FTO: variants seen among roughly 807,000 people sequenced by gnomAD.
FTO encodes FTO alpha-ketoglutarate dependent dioxygenase, also known as alpha-ketoglutarate-dependent dioxygenase FTO.
Under a neutral mutation model 63.9 loss-of-function variants are expected in FTO, and 47 were observed. The ratio of observed to expected loss-of-function variants is 0.74; its 90% CI spans 0.58 to 0.94. The LOEUF is 0.94. Among genes scored for constraint, FTO ranks in the 40% least tolerant of loss-of-function variants. The pLI, the probability that FTO is intolerant of heterozygous loss-of-function variation, is 0.00. For missense variants in FTO, 562 were observed against 618.1 expected (o/e 0.91, Z 0.96); for synonymous variants, 207 against 224.4 (o/e 0.92, Z 0.69).
chr16:54,071,987 ATTG>A (rs2085884169), intron 8 of FTO: 1 of 152,036 alleles, frequency 6.6e-6, no homozygotes, highest in Non-Finnish European at 1.5e-5. Context: ...TCTATTTTTC[ATTG>A]TTGTTTTGAG....
intron 8 of FTO, among the ~76,000 whole-genome samples, chr16:54,064,504 A>G (rs1419289101): frequency 1.3e-5 from 2 of 152,214 alleles, no homozygotes; most frequent in Non-Finnish European, 2.9e-5. Context: ...CAGAATGGTA[A>G]ATGTTCCTGT....
chr16:54,055,298 T>C (rs2085406201), intron 8 of FTO, among the ~76,000 whole-genome samples: 1 of 152,186 alleles, frequency 6.6e-6, no homozygotes, highest in African/African-American at 2.4e-5. Flanking sequence ...CTGAGCAGAC[T>C]AAGATATCAC....
At chr16:53,877,983 T>G (rs1242413243) in intron 5 of FTO, among the ~76,000 whole-genome samples, 1 of 152,158 alleles carries the variant, frequency 6.6e-6, no homozygotes, top group Non-Finnish European at 1.5e-5. Flanking sequence ...TAGGGAAACT[T>G]TCTAGATAGA....
chr16:53,781,558 G>A (rs1021185075), intron 1 of FTO, among the ~76,000 whole-genome samples: 6 of 152,272 alleles, frequency 3.9e-5, no homozygotes, highest in Middle Eastern at 3.4e-3. Flanking sequence ...GCTGCCTGAG[G>A]AGGTTCCTAT....
At chr16:53,959,115 G>T (rs373567840) in intron 8 of FTO, among the ~76,000 whole-genome samples, 1 of 152,170 alleles carries the variant, frequency 6.6e-6, no homozygotes, top group African/African-American at 2.4e-5. Context: ...ACAATGGTAG[G>T]TATGTTTATT....
chr16:53,866,859 C>G (rs535834869), intron 4 of FTO, among the ~76,000 whole-genome samples: 4 of 152,080 alleles, frequency 2.6e-5, no homozygotes, highest in African/African-American at 9.6e-5. Context: ...TGTTTTTTAT[C>G]TCATCGAGGT....
intron 8 of FTO, among the ~76,000 whole-genome samples, chr16:54,086,947 C>T (rs1403978847): frequency 6.6e-6 from 1 of 152,210 alleles, no homozygotes; most frequent in Non-Finnish European, 1.5e-5. Flanking sequence ...AAAAAGCAAA[C>T]TCAGCCAGAG....
intron 8 of FTO, among the ~76,000 whole-genome samples, chr16:54,054,068 A>T (rs573633746): frequency 1.1e-3 from 163 of 151,876 alleles, no homozygotes; most frequent in African/African-American, 3.7e-3. Flanking sequence ...TGTAATTATC[A>T]AGTTCATTTT....
At chr16:53,866,289 A>G (rs897402211) in intron 4 of FTO, among the ~76,000 whole-genome samples, 1 of 152,070 alleles carries the variant, frequency 6.6e-6, no homozygotes, top group African/African-American at 2.4e-5. Flanking sequence ...GTTACATTCA[A>G]TTTGCTAATA....
At chr16:53,898,230 C>G (rs2081318443) in intron 7 of FTO, among the ~76,000 whole-genome samples, 1 of 152,172 alleles carries the variant, frequency 6.6e-6, no homozygotes, top group African/African-American at 2.4e-5. Flanking sequence ...CCCCTAATGT[C>G]TGCCTTACTA....
At chr16:53,844,435 A>T (rs2079563112) in intron 4 of FTO, 137 bp downstream of exon 4, 2 of 722,634 alleles carry the variant, frequency 2.8e-6, no homozygotes, top group Non-Finnish European at 4.7e-6. Flanking sequence ...TTATAAGAAC[A>T]TGTAACTAGG....
In FTO at chr16:53,977,813, G is replaced by A. The variant is rs528983386; in HGVS notation, c.1364+43704G>A. Among the ~76,000 whole-genome samples, 20 of 152,202 alleles carry A rather than the reference G, an allele frequency of 1.3e-4. No individual in the cohort carries two copies. The South Asian group carries it at 2.1e-3, about 16-fold the overall frequency. On this transcript the variant is annotated intron_variant, in intron 8 of 8. Coordinates refer to ENST00000471389, the MANE Select transcript of FTO (RefSeq NM_001080432.3). ...ATCATTCTTTATGCATAAAACTATA[G>A]TTTTAGTTAGTCCTGATTTATATGC...
chr16:54,090,294 T>C (rs1337214261), intron 8 of FTO, among the ~76,000 whole-genome samples: 1 of 152,168 alleles, frequency 6.6e-6, no homozygotes, highest in Non-Finnish European at 1.5e-5. Context: ...AGGACAAATA[T>C]TGTATGATTT....
At chr16:54,021,551 G>A (rs187082765) in intron 8 of FTO, among the ~76,000 whole-genome samples, 30 of 152,216 alleles carry the variant, frequency 2.0e-4, no homozygotes, top group Admixed American at 4.6e-4. Context: ...GTGCAGTGTC[G>A]CAATCTCGGC....
intron 5 of FTO, among the ~76,000 whole-genome samples, chr16:53,878,713 A>G (rs1285473021): frequency 6.6e-6 from 1 of 152,244 alleles, no homozygotes; most frequent in Non-Finnish European, 1.5e-5. Flanking sequence ...CAAAACAGGC[A>G]GATGCACTGC....
rs921941344 is a variant in FTO, at chr16:53,879,941, C to T, written c.1073C>T (p.Ser358Phe). ...GACAATGATGATGTCTCTTTGAAAT[C>T]CTTTGAGCCTGCAGTTTTGAAACAA... ...DVDNDDVSLK[S>F]FEPAVLKQGE... Residue 358 changes from serine (S) to phenylalanine (F), a missense_variant, in exon 6 of 9, where the codon TCC (serine) becomes TTC (phenylalanine). Coordinates refer to ENST00000471389, the MANE Select transcript of FTO (RefSeq NM_001080432.3). 102 of 1,613,710 alleles carry T rather than the reference C, an allele frequency of 6.3e-5. No homozygotes were observed. The highest frequency in any genetic ancestry group is 7.9e-5 in the Non-Finnish European group (93 of 1,179,918).
intron 7 of FTO, chr16:53,911,573 C>G (rs905619227): frequency 1.5e-6 from 1 of 682,704 alleles, no homozygotes; most frequent in Non-Finnish European, 2.7e-6. Context: ...TCTCAGAAAC[C>G]ATTCTGTGTG....
At chr16:53,984,321 CTTTTTTTTTTTTTT>C (rs5816913) in intron 8 of FTO, among the ~76,000 whole-genome samples, 3 of 67,288 alleles carry the variant, frequency 4.5e-5, no homozygotes, top group African/African-American at 1.1e-4. Context: ...TGGAATGGGT[CTTTTTTTTTTTTTT>C]TTTTTTTTTT....
At chr16:53,828,043 A>T (rs1372033476) in intron 3 of FTO, among the ~76,000 whole-genome samples, 2 of 152,176 alleles carry the variant, frequency 1.3e-5, no homozygotes, top group African/African-American at 4.8e-5. Flanking sequence ...GAAACCTAGA[A>T]TATCTTTCAG....
Sources: gnomAD v4.1 joint callset for allele counts (sites outside exome capture counted in the v4.1 genomes callset) on GRCh38, gnomAD v4.1.1 for gene constraint, MANE v1.5 for transcripts, NCBI Gene and HGNC (gene_info 2026-07-23, HGNC 2026-07-21) for gene names.